The following STAG1 variants were observed in gnomAD, a reference collection of about 807,000 sequenced individuals.
STAG1 encodes STAG1 cohesin complex component.
STAG1 carries 26 observed loss-of-function variants against 170.9 expected under a neutral mutation model. The ratio of observed to expected loss-of-function variants is 0.15; its 90% CI spans 0.11 to 0.21. The LOEUF is 0.21. STAG1 is among the 10% of genes least tolerant of loss of function. STAG1 has a pLI of 1.00. For synonymous variants in STAG1, 514 were observed against 497.7 expected (o/e 1.03, Z -0.44); for missense variants, 964 against 1,509.5 (o/e 0.64, Z 5.99).
chr3:136,638,476 G>GC (rs1208876763), intron 1 of STAG1, among the ~76,000 whole-genome samples: 1 of 151,926 alleles, frequency 6.6e-6, no homozygotes, highest in East Asian at 1.9e-4. Context: ...GTAAACAGTT[G>GC]TTGAATTAAA....
chr3:136,404,170 A>T (rs190992735), intron 21 of STAG1, among the ~76,000 whole-genome samples: 2 of 152,334 alleles, frequency 1.3e-5, no homozygotes, highest in East Asian at 3.9e-4. Flanking sequence ...AAATTGAAAA[A>T]GGCAAAAGCC....
At chr3:136,470,694 T>C (rs2089603707) in intron 12 of STAG1, among the ~76,000 whole-genome samples, 2 of 152,202 alleles carry the variant, frequency 1.3e-5, no homozygotes, top group South Asian at 4.1e-4. Context: ...CATATGTTTA[T>C]TGCGGCACTA....
intron 23 of STAG1, among the ~76,000 whole-genome samples, chr3:136,373,913 C>T (rs933310648): frequency 4.6e-5 from 7 of 151,996 alleles, no homozygotes; most frequent in Non-Finnish European, 8.8e-5. Context: ...AACTTTCTGT[C>T]TTGATCTGTC....
intron 1 of STAG1, among the ~76,000 whole-genome samples, chr3:136,641,302 CT>C (rs983270531): frequency 1.2e-3 from 179 of 152,012 alleles, no homozygotes; most frequent in African/African-American, 2.5e-3. Context: ...CCAGGAAATC[CT>C]TTTTTTTAAA....
intron 7 of STAG1, among the ~76,000 whole-genome samples, chr3:136,512,619 T>C (rs1934126792): frequency 6.6e-6 from 1 of 152,164 alleles, no homozygotes; most frequent in Non-Finnish European, 1.5e-5. Flanking sequence ...TTCTTCATTC[T>C]ATCTAACTCC....
At chr3:136,432,312 T>A (rs2088326717) in intron 16 of STAG1, among the ~76,000 whole-genome samples, 1 of 152,180 alleles carries the variant, frequency 6.6e-6, no homozygotes, top group Non-Finnish European at 1.5e-5. Flanking sequence ...ATTCTTTGAA[T>A]ATACTTATTA....
At chr3:136,467,789 C>T (rs1348055367) in intron 12 of STAG1, among the ~76,000 whole-genome samples, 2 of 152,130 alleles carry the variant, frequency 1.3e-5, no homozygotes, top group Admixed American at 6.6e-5. Context: ...TGTAAAAGAA[C>T]AGAAATTATA....
chr3:136,607,442 G>A (rs1249007740), intron 3 of STAG1, among the ~76,000 whole-genome samples: 1 of 152,008 alleles, frequency 6.6e-6, no homozygotes, highest in Non-Finnish European at 1.5e-5. Flanking sequence ...TCTCTTTGTT[G>A]CTCAGGCTGG....
chr3:136,495,737 G>A (rs781514565), intron 9 of STAG1, among the ~76,000 whole-genome samples: 2 of 152,026 alleles, frequency 1.3e-5, no homozygotes, highest in African/African-American at 4.8e-5. Context: ...GGGAGGCTGA[G>A]GCAGGTGGCT....
At chr3:136,357,502 T>C (rs2108279007) in intron 28 of STAG1, among the ~76,000 whole-genome samples, 1 of 152,348 alleles carries the variant, frequency 6.6e-6, no homozygotes, top group East Asian at 1.9e-4. Flanking sequence ...CATTTCCACC[T>C]GCTTAATTTC....
At chr3:136,492,213 G>C (rs371685462) in intron 9 of STAG1, among the ~76,000 whole-genome samples, 95 of 152,264 alleles carry the variant, frequency 6.2e-4, no homozygotes, top group South Asian at 3.7e-3. Flanking sequence ...TTGCCAAGTA[G>C]GTCACATTCT....
chr3:136,422,842 C>G lies in STAG1; in HGVS notation c.1759G>C (p.Glu587Gln). 2 of 1,609,644 alleles carry G rather than the reference C, an allele frequency of 1.2e-6. No individual in the cohort carries two copies. Among genetic ancestry groups the G allele is most frequent in the Non-Finnish European group, 8.5e-7 (1 of 1,178,864 alleles). Residue 587 changes from glutamate to glutamine, a missense_variant, in exon 18 of 34, where the codon GAG (glutamate) becomes CAG (glutamine). Glu to Gln is a conservative substitution (Grantham distance 29, BLOSUM62 2). This residue lies in a region of STAG1 where 232 missense variants were observed against 313.0 expected (regional missense o/e 0.74). Coordinates refer to ENST00000383202, the MANE Select transcript of STAG1 (RefSeq NM_005862.3). ...MLLSKYSADA[E>Q]KVANLLQIPQ... ...ATTTGTAGCAAGTTTGCTACCTTCT[C>G]TGCATCTGCAGAATACTAGAAGGAG...
At chr3:136,748,601 G>A (rs1010185778) in intron 1 of STAG1, among the ~76,000 whole-genome samples, 6 of 26,390 alleles carry the variant, frequency 2.3e-4, no homozygotes, top group African/African-American at 2.1e-3. Context: ...TCACCATGTC[G>A]GCCACGGCCA....
chr3:136,338,558 A>T, intron 32 of STAG1, 108 bp from the exon 33 acceptor site: 1 of 748,836 alleles, frequency 1.3e-6, no homozygotes, highest in South Asian at 1.7e-5. Context: ...GGAACTGCTA[A>T]GAGTCAATTT....
intron 23 of STAG1, among the ~76,000 whole-genome samples, chr3:136,372,181 T>C (rs1186108619): frequency 6.6e-6 from 1 of 152,242 alleles, no homozygotes; most frequent in Non-Finnish European, 1.5e-5. Context: ...ATGCTTGTGA[T>C]GTTTGCACAT....
chr3:136,429,379 C>G (rs955623432), intron 16 of STAG1, among the ~76,000 whole-genome samples: 1 of 152,110 alleles, frequency 6.6e-6, no homozygotes, highest in Admixed American at 6.6e-5. Flanking sequence ...TGCACTCCAG[C>G]CTGGATGACA....
chr3:136,512,096 TAAAAAAAAAAAA>T (rs35238532), intron 7 of STAG1, among the ~76,000 whole-genome samples: 11 of 68,318 alleles, frequency 1.6e-4, no homozygotes, highest in South Asian at 6.2e-4. Context: ...CTCTACAAAA[TAAAAAAAAAAAA>T]AAAAAAAAAA....
intron 12 of STAG1, among the ~76,000 whole-genome samples, chr3:136,469,081 C>G (rs2089552281): frequency 1.3e-5 from 2 of 152,238 alleles, no homozygotes; most frequent in South Asian, 4.2e-4. Context: ...TGGCACAAGA[C>G]AGGGATGCCC....
At chr3:136,345,614 A>G (rs1010605040) in intron 29 of STAG1, among the ~76,000 whole-genome samples, 5 of 152,120 alleles carry the variant, frequency 3.3e-5, no homozygotes, top group African/African-American at 1.2e-4. Flanking sequence ...AAAATTCTAA[A>G]TTATTCTAAT....
Sources: allele counts gnomAD v4.1 joint callset (sites outside exome capture counted in the v4.1 genomes callset), GRCh38; gene constraint gnomAD v4.1.1; regional missense constraint gnomAD v4.1.1; transcripts MANE v1.5; gene names NCBI Gene and HGNC (gene_info 2026-07-23, HGNC 2026-07-21).